The following NOL4L variants were observed in gnomAD, a reference collection of about 807,000 sequenced individuals.
NOL4L encodes the protein nucleolar protein 4-like.
In NOL4L, 7 loss-of-function variants were observed where a neutral mutation model predicts 64.5. That is an observed-to-expected ratio of 0.11 (90% CI 0.06 to 0.20). The LOEUF is 0.20. Among genes scored for constraint, NOL4L ranks in the 10% least tolerant of loss-of-function variants. The pLI is 1.00. For synonymous variants in NOL4L, 413 were observed against 401.0 expected, an observed-to-expected ratio of 1.03 and a Z score of -0.36; for missense variants, 680 against 967.1, an observed-to-expected ratio of 0.70 and a Z score of 3.94.
intron 1 of NOL4L, among the ~76,000 whole-genome samples, chr20:32,562,111 T>C (rs1568714627): frequency 6.6e-6 from 1 of 152,168 alleles, no homozygotes; most frequent in Non-Finnish European, 1.5e-5. Flanking sequence ...GTCAGGACTA[T>C]TTCATTCTCA....
Position 32,456,212 on chromosome 20 carries a change from G to T in NOL4L, c.1025C>A (p.Ala342Asp). ...PINLCDKLPP[A>D]TALGTASYPS... ...GTAGGAGGCTGTGCCAAGTGCCGTG[G>T]CCGGCGGGAGCTTGTCACACAGGTT... The change falls in exon 6 of 11, where the codon GCC becomes GAC. Residue 342 changes from alanine (A) to aspartate (D), a missense_variant. By Grantham distance (126) the Ala-to-Asp change is moderately radical. Coordinates refer to ENST00000621426, the MANE Select transcript of NOL4L (RefSeq NM_001256798.2). 1 of 1,609,092 alleles carries T rather than the reference G, an allele frequency of 6.2e-7. No homozygotes were observed. The highest frequency in any genetic ancestry group is 1.1e-5 in the South Asian group (1 of 90,170).
chr20:32,486,264 G>A (rs1245940417), intron 4 of NOL4L, among the ~76,000 whole-genome samples: 1 of 152,208 alleles, frequency 6.6e-6, no homozygotes, highest in Non-Finnish European at 1.5e-5. Flanking sequence ...AGTGGCCACA[G>A]CATGAGTCCC....
chr20:32,511,570 A>G (rs1037681558), intron 3 of NOL4L, 114 bp from the exon 4 acceptor site: 4 of 659,556 alleles, frequency 6.1e-6, no homozygotes, highest in East Asian at 2.8e-5. Flanking sequence ...GAGAAGGGAC[A>G]GGTCAGAGGT....
chr20:32,500,847 C>T (rs1486109187), intron 4 of NOL4L, among the ~76,000 whole-genome samples: 1 of 152,060 alleles, frequency 6.6e-6, no homozygotes, highest in Non-Finnish European at 1.5e-5. Flanking sequence ...ACAATTTGTA[C>T]AACAAAATGA....
At chr20:32,486,516 T>A (rs2016092364) in intron 4 of NOL4L, among the ~76,000 whole-genome samples, 2 of 152,128 alleles carry the variant, frequency 1.3e-5, no homozygotes, top group African/African-American at 2.4e-5. Flanking sequence ...TCATGCAGCT[T>A]CCCATATGAA....
intron 2 of NOL4L, among the ~76,000 whole-genome samples, chr20:32,526,986 T>G (rs1568688503): frequency 6.6e-6 from 1 of 152,148 alleles, no homozygotes; most frequent in Non-Finnish European, 1.5e-5. Flanking sequence ...TCCCATCTAT[T>G]TCCACCTCCC....
At chr20:32,571,189 T>C (rs1278587078) in intron 1 of NOL4L, among the ~76,000 whole-genome samples, 1 of 152,088 alleles carries the variant, frequency 6.6e-6, no homozygotes, top group Non-Finnish European at 1.5e-5. Context: ...GGGGTTTTTT[T>C]GTTTGTTTGT....
intron 5 of NOL4L, among the ~76,000 whole-genome samples, chr20:32,470,274 A>G (rs1426542031): frequency 6.6e-6 from 1 of 152,238 alleles, no homozygotes; most frequent in Non-Finnish European, 1.5e-5. Context: ...AAGCACATCC[A>G]GGGGAAACGG....
At chr20:32,532,604 C>T (rs967096971) in intron 1 of NOL4L, among the ~76,000 whole-genome samples, 1 of 152,168 alleles carries the variant, frequency 6.6e-6, no homozygotes, top group South Asian at 2.1e-4. Flanking sequence ...AAGCACCTTC[C>T]CTGTAGACTT....
At chr20:32,522,978 G>A (rs542793054) in intron 2 of NOL4L, among the ~76,000 whole-genome samples, 2 of 152,296 alleles carry the variant, frequency 1.3e-5, no homozygotes, top group East Asian at 3.9e-4. Context: ...GGGCTCAGGG[G>A]GTCCTCCTGG....
chr20:32,471,909 A>G (rs1241227852), intron 5 of NOL4L, among the ~76,000 whole-genome samples: 2 of 152,188 alleles, frequency 1.3e-5, no homozygotes, highest in Admixed American at 1.3e-4. Context: ...ACCAGAAGCC[A>G]AGCAGATGCT....
intron 2 of NOL4L, among the ~76,000 whole-genome samples, chr20:32,521,937 C>T (rs1181865582): frequency 1.1e-4 from 17 of 152,242 alleles, no homozygotes; most frequent in South Asian, 8.3e-4. Flanking sequence ...AGCCCGCAGC[C>T]GGGCTGGGAA....
intron 1 of NOL4L, among the ~76,000 whole-genome samples, chr20:32,575,403 C>T (rs866376349): frequency 6.6e-6 from 1 of 152,226 alleles, no homozygotes; most frequent in East Asian, 1.9e-4. Flanking sequence ...AGTCCCACCC[C>T]CCGGAATGAG....
At chr20:32,530,203 G>A (rs1048116990) in intron 1 of NOL4L, among the ~76,000 whole-genome samples, 2 of 152,216 alleles carry the variant, frequency 1.3e-5, no homozygotes. Context: ...TCTAACCAGA[G>A]GTTCACATTG....
chr20:32,490,225 T>C (rs1319972603), intron 4 of NOL4L, among the ~76,000 whole-genome samples: 3 of 151,748 alleles, frequency 2.0e-5, no homozygotes, highest in South Asian at 4.1e-4. Context: ...AGCATCCATC[T>C]CTACCCCATA....
chr20:32,481,966 G>GGGC (rs1555794896), intron 4 of NOL4L, among the ~76,000 whole-genome samples: 1 of 146,564 alleles, frequency 6.8e-6, no homozygotes, highest in East Asian at 2.0e-4. Context: ...GGGCGGGGCG[G>GGGC]GGGGGGGGGA....
intron 5 of NOL4L, among the ~76,000 whole-genome samples, chr20:32,467,552 C>G (rs1424463895): frequency 6.6e-6 from 1 of 152,122 alleles, no homozygotes. Context: ...CAGAGGGGAC[C>G]AAGGGAGACC....
At chr20:32,504,129 G>A (rs1004941170) in intron 4 of NOL4L, among the ~76,000 whole-genome samples, 5 of 151,090 alleles carry the variant, frequency 3.3e-5, no homozygotes, top group Non-Finnish European at 7.4e-5. Context: ...TCTCTTTTTT[G>A]TGGTTTCTTC....
chr20:32,577,007 G>C (rs1980157225), intron 1 of NOL4L, among the ~76,000 whole-genome samples: 3 of 152,208 alleles, frequency 2.0e-5, no homozygotes. Context: ...TGGAGGGTCA[G>C]ACAGAGCCCT....
Sources: allele counts gnomAD v4.1 joint callset (sites outside exome capture counted in the v4.1 genomes callset), GRCh38; gene constraint gnomAD v4.1.1; transcripts MANE v1.5; gene names NCBI Gene and HGNC (gene_info 2026-07-23, HGNC 2026-07-21).